The following NINJ2 variants were observed in gnomAD, a reference collection of about 807,000 sequenced individuals.
The protein encoded by NINJ2 is ninjurin 2.
A neutral mutation model predicts 11.7 loss-of-function variants in NINJ2; 12 were observed. The ratio of observed to expected loss-of-function variants is 1.02; its 90% CI spans 0.66 to 1.66. The LOEUF (loss-of-function observed/expected upper bound fraction) is 1.66. NINJ2 is among the 40% of genes most tolerant of loss of function. The probability of loss-of-function intolerance (pLI) is 0.00; values close to 1 mark genes in which losing one functional copy is unlikely to be tolerated. For synonymous variants in NINJ2, 93 were observed against 76.8 expected (o/e 1.21, Z -1.10); for missense variants, 187 against 181.8 (o/e 1.03, Z -0.16).
At chr12:626,823 C>T (rs11063942) in intron 1 of NINJ2, among the ~76,000 whole-genome samples, 21 of 152,084 alleles carry the variant, frequency 1.4e-4, no homozygotes, top group Admixed American at 1.0e-3. Context: ...CTGTAGCTTG[C>T]GCCTATAATC....
At chr12:592,938 C>A (rs1311588648) in intron 1 of NINJ2, among the ~76,000 whole-genome samples, 4 of 151,292 alleles carry the variant, frequency 2.6e-5, no homozygotes, top group Non-Finnish European at 2.9e-5. Flanking sequence ...TTGTGAGTTA[C>A]AAGGCTATCA....
chr12:650,121 G>C (rs1439868409), intron 1 of NINJ2, among the ~76,000 whole-genome samples: 1 of 145,292 alleles, frequency 6.9e-6, no homozygotes, highest in Non-Finnish European at 1.5e-5. Context: ...GTCTCACTTT[G>C]TTCCCCAGGC....
Position 634,286 on chromosome 12 carries a change from T to TTTTTTTTTTTTTTTTTTTTTTTTTC in NINJ2, c.33+29041_33+29042insGAAAAAAAAAAAAAAAAAAAAAAAA, listed in dbSNP as rs1948319376. 1.4e-5 allele frequency among the ~76,000 whole-genome samples: 2 copies of TTTTTTTTTTTTTTTTTTTTTTTTTC among 138,846 alleles called. 1 individual carries two copies. The highest frequency in any genetic ancestry group is 3.1e-5 in the Non-Finnish European group (2 of 64,570). The allele number at this position is 138,846 out of a possible 152,430, so 91.1% of individuals were successfully genotyped here. On this transcript the variant is annotated intron_variant, in intron 1 of 3. Transcript: ENST00000305108. ...AGTTCTTTTTTTTTTTTTTTTTTTT[T>TTTTTTTTTTTTTTTTTTTTTTTTTC]TTTTGCACTGTCTCCCGGGCTGGAG...
At chr12:617,429 C>G (rs1260353672) in intron 1 of NINJ2, among the ~76,000 whole-genome samples, 1 of 152,160 alleles carries the variant, frequency 6.6e-6, no homozygotes, top group African/African-American at 2.4e-5. Context: ...TATCCGTGGC[C>G]CAAGCATTCC....
chr12:573,410 A>C (rs957407665), intron 1 of NINJ2, among the ~76,000 whole-genome samples: 62 of 152,092 alleles, frequency 4.1e-4, no homozygotes, highest in Admixed American at 1.6e-3. Flanking sequence ...TAAGATTGAA[A>C]GATAAACACG....
chr12:623,090 A>G (rs974830926), intron 1 of NINJ2, among the ~76,000 whole-genome samples: 1 of 152,182 alleles, frequency 6.6e-6, no homozygotes, highest in Non-Finnish European at 1.5e-5. Flanking sequence ...GACAGCATGC[A>G]CTCAGGTGGA....
intron 1 of NINJ2, among the ~76,000 whole-genome samples, chr12:604,214 T>C (rs754747461): frequency 1.3e-5 from 2 of 152,182 alleles, no homozygotes; most frequent in Non-Finnish European, 2.9e-5. Flanking sequence ...TGTAGACCAA[T>C]TTGGGGAGTA....
At chr12:635,939 T>C (rs1175069615) in intron 1 of NINJ2, among the ~76,000 whole-genome samples, 1 of 151,872 alleles carries the variant, frequency 6.6e-6, no homozygotes, top group East Asian at 1.9e-4. Context: ...TAGCCGAGCA[T>C]GGTGGCAGGT....
chr12:633,415 TG>T lies in NINJ2; in HGVS notation c.33+29912del. 6.6e-6 allele frequency among the ~76,000 whole-genome samples: 1 copy of T among 152,064 alleles called. No homozygotes were observed. The highest frequency in any genetic ancestry group is 1.5e-5 in the Non-Finnish European group (1 of 67,976). ...CGGGTTGCTGAGGCAGGCGAATCAC[TG>T]GTTCCACCAGGAGGTGGACGCTGCA... On this transcript the variant is annotated intron_variant, in intron 1 of 3. Transcript: ENST00000305108. The surrounding 1 kb of genome is among the most constrained non-coding windows in gnomAD (Gnocchi z 4.3).
chr12:585,329 T>C lies in NINJ2; in HGVS notation c.34-19151A>G, dbSNP rs889296553. Among the ~76,000 whole-genome samples, 10 of 152,078 alleles carry C rather than the reference T, an allele frequency of 6.6e-5. No individual in the cohort carries two copies. Among genetic ancestry groups the C allele is most frequent in the African/African-American group, 2.4e-4 (10 of 41,458 alleles). On this transcript the variant is annotated intron_variant, in intron 1 of 3. Transcript: ENST00000305108. This position sits in a 1 kb window ranked among gnomAD's most constrained non-coding sequence, Gnocchi z 4.1. ...GTAGAACTGCCCATGCCAAGAGGGG[T>C]CCATACCAACTTCCGGAATAAACGA...
At chr12:647,164 G>C (rs1014690575) in intron 1 of NINJ2, among the ~76,000 whole-genome samples, 6 of 152,134 alleles carry the variant, frequency 3.9e-5, no homozygotes, top group Non-Finnish European at 8.8e-5. Flanking sequence ...CATCCCTCAG[G>C]TGTCTGTGCC....
At chr12:574,073 T>C (rs528367577) in intron 1 of NINJ2, among the ~76,000 whole-genome samples, 1 of 152,110 alleles carries the variant, frequency 6.6e-6, no homozygotes, top group South Asian at 2.1e-4. Flanking sequence ...AATACAAAAT[T>C]AGCAGGGTGT....
rs1948404738 is a variant in NINJ2, at chr12:640,498, TTTC to T, written c.33+22827_33+22829del. Among the ~76,000 whole-genome samples the T allele has an allele frequency of 6.6e-6, 1 of 152,172 alleles. No individual in the cohort carries two copies. The highest frequency in any genetic ancestry group is 1.5e-5 in the Non-Finnish European group (1 of 68,034). ...CCTGGTACTTGACTTCTATTCCTCCTTTCTTCTTAATGGTCCTGTTTTTATTTT... is the reference window on the plus strand; with the variant it reads ...CCTGGTACTTGACTTCTATTCCTCCTTTCTTAATGGTCCTGTTTTTATTTT... On this transcript the variant is annotated intron_variant, in intron 1 of 3. Coordinates refer to ENST00000305108, the MANE Select transcript of NINJ2 (RefSeq NM_016533.6). The surrounding 1 kb of genome is among the most constrained non-coding windows in gnomAD (Gnocchi z 4.0).
At chr12:604,922 G>A (rs544036504) in intron 1 of NINJ2, among the ~76,000 whole-genome samples, 1 of 152,320 alleles carries the variant, frequency 6.6e-6, no homozygotes, top group South Asian at 2.1e-4. Context: ...TGTGGTCCAG[G>A]AACTGGTTTA....
chr12:649,002 C>CTATT (rs1442981650), intron 1 of NINJ2, among the ~76,000 whole-genome samples: 1 of 151,726 alleles, frequency 6.6e-6, no homozygotes, highest in Non-Finnish European at 1.5e-5. Context: ...ATCTGTCTAT[C>CTATT]TATCTATCTA....
At chr12:571,370 C>A (rs1377948904) in intron 1 of NINJ2, among the ~76,000 whole-genome samples, 5 of 152,188 alleles carry the variant, frequency 3.3e-5, no homozygotes, top group Non-Finnish European at 5.9e-5. Flanking sequence ...GTGGGGGACA[C>A]CAGAGACCCA....
chr12:619,050 C>T (rs1464251984), intron 1 of NINJ2, among the ~76,000 whole-genome samples: 1 of 152,182 alleles, frequency 6.6e-6, no homozygotes, highest in South Asian at 2.1e-4. Context: ...CTAAAGGTCA[C>T]GTGCCTTGTG....
intron 1 of NINJ2, among the ~76,000 whole-genome samples, chr12:571,289 C>T (rs979112711): frequency 3.9e-5 from 6 of 152,262 alleles, no homozygotes; most frequent in African/African-American, 1.4e-4. Flanking sequence ...AGAGTTTGAT[C>T]TGGACGCCCT....
At chr12:602,270 C>T (rs1005337462) in intron 1 of NINJ2, among the ~76,000 whole-genome samples, 3 of 152,196 alleles carry the variant, frequency 2.0e-5, no homozygotes, top group Non-Finnish European at 2.9e-5. Flanking sequence ...ACATTTTCAT[C>T]ATCCCCAAAA....
Sources: gnomAD v4.1 joint callset for allele counts (sites outside exome capture counted in the v4.1 genomes callset) on GRCh38, gnomAD v4.1.1 for gene constraint, Gnocchi (gnomAD v3.1) non-coding constraint, MANE v1.5 for transcripts, NCBI Gene and HGNC (gene_info 2026-07-23, HGNC 2026-07-21) for gene names.